Variants in SP3 observed in about 807,000 individuals in gnomAD.
SP3 encodes transcription factor Sp3.
Under a neutral mutation model 70.3 loss-of-function variants are expected in SP3, and 10 were observed. That is an observed-to-expected ratio of 0.14 (90% CI 0.09 to 0.24). The LOEUF (loss-of-function observed/expected upper bound fraction) is 0.24, where lower values mean the gene tolerates loss of function less well. SP3 is among the 10% of genes least tolerant of loss of function. The probability of loss-of-function intolerance (pLI) is 1.00; values close to 1 mark genes in which losing one functional copy is unlikely to be tolerated. For synonymous variants in SP3, 402 were observed against 333.5 expected (o/e 1.21, Z -2.24); for missense variants, 825 against 914.6 (o/e 0.90, Z 1.26).
In SP3 at chr2:173,911,100, A is replaced by T. The variant is rs148156625; in HGVS notation, c.2030-843T>A. On this transcript the variant is annotated intron_variant, in intron 6 of 6. Transcript: ENST00000310015. ...TCCTTTGTTCTAGCACCTCTACTCT[A>T]CATAGGTCTTTATCAGACCTCATGC... Among the ~76,000 whole-genome samples the T allele has an allele frequency of 4.0e-3, 608 of 152,306 alleles. 2 individuals carry two copies. The highest frequency in any genetic ancestry group is 0.012 in the South Asian group (60 of 4,830).
At chr2:173,910,396 C>T (rs570630368) in intron 6 of SP3, 139 bp from the exon 7 acceptor site, 36 of 630,978 alleles carry the variant, frequency 5.7e-5, no homozygotes, top group Admixed American at 1.2e-4. Context: ...ATTCATTTTA[C>T]GAGCTACCCC....
chr2:173,965,514 A>C (rs1691267597), upstream of SP3: 1 of 294,868 alleles, frequency 3.4e-6, no homozygotes, highest in Non-Finnish European at 6.4e-6. Context: ...GGAAGGGGAG[A>C]GACAATGAGC....
At chr2:173,943,325 C>T (rs1336645906) in intron 4 of SP3, among the ~76,000 whole-genome samples, 1 of 152,160 alleles carries the variant, frequency 6.6e-6, no homozygotes, top group Non-Finnish European at 1.5e-5. Flanking sequence ...CTTGCTCATT[C>T]CCTCTTCCTG....
chr2:173,913,866 TAGATG>T (rs1209643338), intron 5 of SP3: 1 of 152,176 alleles, frequency 6.6e-6, no homozygotes, highest in African/African-American at 2.4e-5. Flanking sequence ...CCCTTAGCAT[TAGATG>T]AGATAAATAC....
intron 4 of SP3, among the ~76,000 whole-genome samples, chr2:173,919,440 C>G (rs938126395): frequency 6.6e-6 from 1 of 152,178 alleles, no homozygotes; most frequent in African/African-American, 2.4e-5. Flanking sequence ...CTTAAGTTTA[C>G]ATCTTCCTTG....
At chr2:173,964,165 G>A (rs1329467993) in intron 2 of SP3, 5 of 397,380 alleles carry the variant, frequency 1.3e-5, no homozygotes, top group South Asian at 7.2e-5. Context: ...ACCCCCGGGA[G>A]GGCACGCTGG....
Position 173,964,501 on chromosome 2 carries a change from G to A in SP3, c.60C>T (p.Ser20=), listed in dbSNP as rs777355225. ...CGCCGCCGCCGCCACCGCCGCCGCC[G>A]CTATCCACGTCCAAGGCAGCCATTT... ...QEEMAALDVD[S]GGGGGGGGGH... The change falls in exon 2 of 7, where the codon AGC becomes AGT. Residue 20 remains serine, a synonymous_variant. Coordinates refer to ENST00000310015, the MANE Select transcript of SP3 (RefSeq NM_003111.5). The A allele has an allele frequency of 3.8e-5, 25 of 650,044 alleles. No individual in the cohort carries two copies. The highest frequency in any genetic ancestry group is 3.7e-4 in the African/African-American group (19 of 51,528). 40.3% of individuals were successfully genotyped at this position (650,044 alleles called of 1,614,324 possible). A position where few individuals can be genotyped will look rare whatever the true frequency, so the allele number is the denominator to read the frequency against.
Position 173,964,489 on chromosome 2 carries a change from A to ACCGCCGCCG in SP3, c.63_71dup (p.Gly27_Gly29dup). The ACCGCCGCCG allele has an allele frequency of 4.3e-6, 2 of 466,064 alleles. No homozygotes were observed. The highest frequency in any genetic ancestry group is 2.4e-5 in the Admixed American group (1 of 40,892). The allele number at this position is 466,064 out of a possible 1,614,324, so 28.9% of individuals were successfully genotyped here. On this transcript the variant is annotated inframe_insertion, in exon 2 of 7. Coordinates refer to ENST00000310015, the MANE Select transcript of SP3 (RefSeq NM_003111.5). ...ACTCGCCGTGGCCGCCGCCGCCGCC[A>ACCGCCGCCG]CCGCCGCCGCCGCTATCCACGTCCA...
intron 4 of SP3, among the ~76,000 whole-genome samples, chr2:173,922,429 C>G (rs1689781720): frequency 6.6e-6 from 1 of 151,798 alleles, no homozygotes; most frequent in African/African-American, 2.4e-5. Flanking sequence ...TTCTGAATGC[C>G]TATTGAATAT....
At chr2:173,963,732 G>C (rs1691163840) in intron 3 of SP3, 29 bp downstream of exon 3, 3 of 935,206 alleles carry the variant, frequency 3.2e-6, no homozygotes, top group South Asian at 4.8e-5. Context: ...GCCCGGCCTC[G>C]GCGGGGGCGG....
intron 4 of SP3, among the ~76,000 whole-genome samples, chr2:173,951,564 T>C (rs1690713489): frequency 6.6e-6 from 1 of 152,264 alleles, no homozygotes; most frequent in Admixed American, 6.5e-5. Flanking sequence ...GTCTCAGATC[T>C]GCTCCTGCAT....
chr2:173,936,801 CTTTTT>C (rs139549496), intron 4 of SP3, among the ~76,000 whole-genome samples: 1 of 147,180 alleles, frequency 6.8e-6, no homozygotes. Context: ...CTATTCTTAC[CTTTTT>C]TTTTTTTAAA....
At chr2:173,943,551 G>A (rs1003675477) in intron 4 of SP3, among the ~76,000 whole-genome samples, 7 of 152,060 alleles carry the variant, frequency 4.6e-5, no homozygotes, top group Admixed American at 2.6e-4. Flanking sequence ...GGCTGGTCTC[G>A]AACTCCTGGG....
In SP3 at chr2:173,965,355, A is replaced by C; in HGVS notation, c.-184T>G. On this transcript the variant is annotated 5_prime_UTR_variant, in exon 1 of 7. Coordinates refer to ENST00000310015, the MANE Select transcript of SP3 (RefSeq NM_003111.5). The stretch of plus-strand genomic sequence containing the variant: ...ACAAAAGGTGGAGCCTCCAGCCCAA[A>C]AGGGGGGAAGAGGGTGACAGCCCGC... 1 of 659,618 alleles carries C rather than the reference A, an allele frequency of 1.5e-6. No individual in the cohort carries two copies. The highest frequency in any genetic ancestry group is 3.0e-5 in the East Asian group (1 of 32,930). The allele number at this position is 659,618 out of a possible 1,614,324, so 40.9% of individuals were successfully genotyped here.
At position 173,906,445 on chromosome 2, in the gene SP3, CTCA is replaced by C. The variant is rs1689324167; in HGVS notation, c.*3493_*3495del. The C allele has an allele frequency of 6.6e-6, 1 of 152,124 alleles. No homozygotes were observed. The allele number at this position is 152,124 out of a possible 1,614,324, so 9.4% of individuals were successfully genotyped here. Reference sequence around the variant, plus strand: ...TTGTCAGACAACAAAAGACTTAGTACTCATTCATGGCAGTCAGTTTTAAACATA... The same window carrying C: ...TTGTCAGACAACAAAAGACTTAGTACTTCATGGCAGTCAGTTTTAAACATA... On this transcript the variant is annotated 3_prime_UTR_variant, in exon 7 of 7. Transcript: ENST00000310015.
intron 4 of SP3, among the ~76,000 whole-genome samples, chr2:173,920,139 G>T (rs1043011932): frequency 1.3e-5 from 2 of 151,964 alleles, no homozygotes; most frequent in Non-Finnish European, 2.9e-5. Context: ...GATCGTGTAT[G>T]ATATTTATAT....
intron 6 of SP3, among the ~76,000 whole-genome samples, chr2:173,911,813 C>CTTTTTTTT (rs11448837): frequency 8.2e-5 from 8 of 98,040 alleles, no homozygotes; most frequent in Admixed American, 1.2e-4. Flanking sequence ...TTTTATCTAC[C>CTTTTTTTT]TTTTTTTTTT....
Position 173,907,475 on chromosome 2 carries a change from T to C in SP3, c.*2466A>G, listed in dbSNP as rs1234448353. ...TGGTAAAAGTTCCAAAGTTCACTAA[T>C]ATATTCCTAGGGGGCACTAAAAAAA... On this transcript the variant is annotated 3_prime_UTR_variant, in exon 7 of 7. Transcript: ENST00000310015. 1 of 152,118 alleles carries C rather than the reference T, an allele frequency of 6.6e-6. No individual in the cohort carries two copies. Among genetic ancestry groups the C allele is most frequent in the Non-Finnish European group, 1.5e-5 (1 of 67,954 alleles). 9.4% of individuals were successfully genotyped at this position (152,118 alleles called of 1,614,324 possible). A position where few individuals can be genotyped will look rare whatever the true frequency, so the allele number is the denominator to read the frequency against.
chr2:173,960,353 C>T lies in SP3; in HGVS notation c.279+3408G>A, dbSNP rs371240176. Among the ~76,000 whole-genome samples, 10 of 152,076 alleles carry T rather than the reference C, an allele frequency of 6.6e-5. No individual in the cohort carries two copies. The East Asian group carries it at 7.7e-4, about 12-fold the overall frequency. On this transcript the variant is annotated intron_variant, in intron 3 of 6. Transcript: ENST00000310015. ...AACTTAGTTCCCACGAATGCCTTTA[C>T]GAAAGCCAGAAATAGGAAAGGAAGG...
Sources: allele counts gnomAD v4.1 joint callset (sites outside exome capture counted in the v4.1 genomes callset), GRCh38; gene constraint gnomAD v4.1.1; transcripts MANE v1.5; gene names NCBI Gene and HGNC (gene_info 2026-07-23, HGNC 2026-07-21).